GNAL: variants seen among roughly 807,000 people sequenced by gnomAD.
GNAL encodes the protein G protein subunit alpha L, also known as guanine nucleotide-binding protein G(olf) subunit alpha.
In GNAL, 18 loss-of-function variants were observed where a neutral mutation model predicts 55.1. The ratio of observed to expected loss-of-function variants is 0.33; its 90% CI spans 0.23 to 0.48. The LOEUF (loss-of-function observed/expected upper bound fraction) is 0.48. Ranked by LOEUF, GNAL falls within the 20% of genes least tolerant of loss-of-function variation. The pLI, the probability that GNAL is intolerant of heterozygous loss-of-function variation, is 0.99. For synonymous variants in GNAL, 253 were observed against 237.0 expected (o/e 1.07, Z -0.62); for missense variants, 412 against 614.1 (o/e 0.67, Z 3.48).
At chr18:11,812,501 A>G (rs1021024528) in intron 4 of GNAL, among the ~76,000 whole-genome samples, 1 of 152,234 alleles carries the variant, frequency 6.6e-6, no homozygotes, top group Non-Finnish European at 1.5e-5. Flanking sequence ...TCTGGGCACT[A>G]GAAATGAAAA....
intron 1 of GNAL, among the ~76,000 whole-genome samples, chr18:11,734,916 G>A (rs951545500): frequency 6.8e-5 from 10 of 147,118 alleles, no homozygotes; most frequent in African/African-American, 1.8e-4. Context: ...GTATAGAACC[G>A]GTTTGATGGA....
At chr18:11,796,806 C>T (rs532610679) in intron 4 of GNAL, among the ~76,000 whole-genome samples, 1 of 152,228 alleles carries the variant, frequency 6.6e-6, no homozygotes, top group East Asian at 1.9e-4. Flanking sequence ...TTTTTAATGG[C>T]TATGTAGCAT....
chr18:11,702,783 A>C lies in GNAL; in HGVS notation c.376+12844A>C, dbSNP rs72865223. On this transcript the variant is annotated intron_variant, in intron 1 of 11. Transcript: ENST00000334049. ...CCCAGTGAGAAGGGAGGCAGGACTGAGGAGGAGGGCAGCAGCTTCCAAGAA... is the reference window on the plus strand; with the variant it reads ...CCCAGTGAGAAGGGAGGCAGGACTGCGGAGGAGGGCAGCAGCTTCCAAGAA... Among the ~76,000 whole-genome samples, 1,425 of 150,144 alleles carry C rather than the reference A, an allele frequency of 9.5e-3. 9 individuals carry two copies. The highest frequency in any genetic ancestry group is 0.017 in the Non-Finnish European group (1,129 of 67,772).
At chr18:11,760,472 C>T (rs2033205265) in intron 4 of GNAL, among the ~76,000 whole-genome samples, 2 of 152,190 alleles carry the variant, frequency 1.3e-5, no homozygotes, top group Non-Finnish European at 2.9e-5. Context: ...GTACACTGAA[C>T]CTCTTAAAGA....
intron 1 of GNAL, among the ~76,000 whole-genome samples, chr18:11,725,216 T>A (rs2032186104): frequency 6.6e-6 from 1 of 152,084 alleles, no homozygotes; most frequent in Non-Finnish European, 1.5e-5. Flanking sequence ...GATTGGGGAT[T>A]TAAAGGGTAA....
rs1438770933 is a variant in GNAL, at chr18:11,788,906, AAAAAAAAAATAT to A, written c.624+34963_624+34974del. On this transcript the variant is annotated intron_variant, in intron 4 of 11. Transcript: ENST00000334049. ...AGCAAGACTCCGTCTCGAAAAAAAA[AAAAAAAAAATAT>A]ATATATATATATATATATACACATA... is the stretch of plus-strand genomic sequence containing the variant. 5.1e-3 allele frequency among the ~76,000 whole-genome samples: 120 copies of A among 23,570 alleles called. 1 individual carries two copies. In the Middle Eastern group the frequency reaches 0.058, roughly 11 times the overall value. 15.5% of individuals were successfully genotyped at this position (23,570 alleles called of 152,430 possible).
intron 4 of GNAL, among the ~76,000 whole-genome samples, chr18:11,784,015 C>G (rs1356661709): frequency 6.6e-6 from 1 of 152,262 alleles, no homozygotes; most frequent in African/African-American, 2.4e-5. Flanking sequence ...GGGTAGCCAG[C>G]TACTCCAGGC....
At chr18:11,846,814 C>T (rs1047995978) in intron 5 of GNAL, among the ~76,000 whole-genome samples, 2 of 151,944 alleles carry the variant, frequency 1.3e-5, no homozygotes, top group Non-Finnish European at 2.9e-5. Context: ...CAACCTCAAA[C>T]TCCTGGGCCG....
chr18:11,830,871 G>A (rs1376925943), intron 5 of GNAL, among the ~76,000 whole-genome samples: 2 of 152,012 alleles, frequency 1.3e-5, no homozygotes, highest in Non-Finnish European at 2.9e-5. Context: ...AAAGAAATAA[G>A]ACACAAAAAA....
chr18:11,788,912 A>ATATATATATAT (rs1485147640), intron 4 of GNAL, among the ~76,000 whole-genome samples: 4 of 68,750 alleles, frequency 5.8e-5, no homozygotes, highest in South Asian at 6.6e-4. Context: ...AAAAAAAAAA[A>ATATATATATAT]AAATATATAT....
intron 5 of GNAL, among the ~76,000 whole-genome samples, chr18:11,840,899 C>CA (rs1425712507): frequency 7.0e-6 from 1 of 143,858 alleles, no homozygotes; most frequent in Non-Finnish European, 1.5e-5. Context: ...TTTTGAGACA[C>CA]AGTCTCACTC....
intron 10 of GNAL, among the ~76,000 whole-genome samples, chr18:11,873,113 T>G (rs1403500537): frequency 6.6e-6 from 1 of 152,256 alleles, no homozygotes; most frequent in Non-Finnish European, 1.5e-5. Flanking sequence ...ACACCAGGTC[T>G]ACCAGAGGCT....
Position 11,723,824 on chromosome 18 carries a change from C to T in GNAL, c.377-29029C>T, listed in dbSNP as rs552192325. On this transcript the variant is annotated intron_variant, in intron 1 of 11. Transcript: ENST00000334049. ...GTCCCTCCTAGTGGGTGGCACAGTA[C>T]AGGAGTGGACCTAATGGGAGTGTGG... Among the ~76,000 whole-genome samples, 13 of 152,326 alleles carry T rather than the reference C, an allele frequency of 8.5e-5. No individual in the cohort carries two copies. In the South Asian group the frequency reaches 2.5e-3, roughly 29 times the overall value.
Position 11,770,393 on chromosome 18 carries a change from A to G in GNAL, c.624+16448A>G, listed in dbSNP as rs1598442878. On this transcript the variant is annotated intron_variant, in intron 4 of 11. Coordinates refer to ENST00000334049, the MANE Select transcript of GNAL (RefSeq NM_182978.4). ...CCTTTAGAATCATCTCTGAAAAAAGAAAAAAGGGAAAACATATTTTCTCTT... is the reference window on the plus strand; with the variant it reads ...CCTTTAGAATCATCTCTGAAAAAAGGAAAAAGGGAAAACATATTTTCTCTT... Among the ~76,000 whole-genome samples the G allele has an allele frequency of 1.4e-4, 22 of 152,334 alleles. 1 individual carries two copies. In the South Asian group the frequency reaches 4.6e-3, roughly 32 times the overall value.
intron 11 of GNAL, among the ~76,000 whole-genome samples, chr18:11,880,553 C>T (rs2036654846): frequency 1.3e-5 from 2 of 152,100 alleles, no homozygotes; most frequent in Non-Finnish European, 1.5e-5. Flanking sequence ...CCAGCCTGGG[C>T]AACAGAGCTA....
At chr18:11,813,751 G>A (rs921932223) in intron 4 of GNAL, among the ~76,000 whole-genome samples, 1 of 152,148 alleles carries the variant, frequency 6.6e-6, no homozygotes, top group Non-Finnish European at 1.5e-5. Context: ...AGTGGCATGT[G>A]CCTGTGGTCC....
chr18:11,701,613 C>G (rs1301279197), intron 1 of GNAL, among the ~76,000 whole-genome samples: 1 of 146,162 alleles, frequency 6.8e-6, no homozygotes, highest in Non-Finnish European at 1.5e-5. Context: ...TGGGTGCAAA[C>G]TATGAGCAGA....
At chr18:11,721,584 C>T (rs149809801) in intron 1 of GNAL, among the ~76,000 whole-genome samples, 32 of 152,094 alleles carry the variant, frequency 2.1e-4, no homozygotes, top group African/African-American at 6.5e-4. Context: ...GGTGAAACCC[C>T]GTCTCTATTA....
intron 10 of GNAL, 147 bp from the exon 11 acceptor site, chr18:11,876,474 A>G: frequency 1.6e-6 from 1 of 620,718 alleles, no homozygotes; most frequent in South Asian, 1.9e-5. Context: ...TAAAAAAAAA[A>G]GTACATGTTT....
Sources: gnomAD v4.1 joint callset for allele counts (sites outside exome capture counted in the v4.1 genomes callset) on GRCh38, gnomAD v4.1.1 for gene constraint, MANE v1.5 for transcripts, NCBI Gene and HGNC (gene_info 2026-07-23, HGNC 2026-07-21) for gene names.